Variants in BACH2 observed in about 807,000 individuals in gnomAD.
BACH2 encodes the protein transcription regulator protein BACH2.
In BACH2, 5 loss-of-function variants were observed where a neutral mutation model predicts 61.8. That is an observed-to-expected ratio of 0.08 (90% CI 0.04 to 0.17). The LOEUF (loss-of-function observed/expected upper bound fraction) is 0.17, where lower values mean the gene tolerates loss of function less well. BACH2 is among the 10% of genes least tolerant of loss of function. The probability of loss-of-function intolerance (pLI) is 1.00; values close to 1 mark genes in which losing one functional copy is unlikely to be tolerated. For missense variants in BACH2, 824 were observed against 1,091.1 expected (o/e 0.76, Z 3.45); for synonymous variants, 446 against 440.1 (o/e 1.01, Z -0.17).
intron 3 of BACH2, among the ~76,000 whole-genome samples, chr6:90,209,715 G>A (rs568790861): frequency 1.9e-4 from 29 of 152,062 alleles, no homozygotes; most frequent in Non-Finnish European, 3.1e-4. Flanking sequence ...CACAATCCCC[G>A]TACTCTCAGA....
chr6:90,000,736 T>C (rs1777093525), intron 6 of BACH2, among the ~76,000 whole-genome samples: 1 of 152,224 alleles, frequency 6.6e-6, no homozygotes, highest in Admixed American at 6.5e-5. Flanking sequence ...CCGCCTATGT[T>C]CTAGGTGATC....
chr6:90,190,781 G>A (rs528925106), intron 4 of BACH2, among the ~76,000 whole-genome samples: 3 of 152,174 alleles, frequency 2.0e-5, no homozygotes, highest in African/African-American at 7.2e-5. Context: ...CAGCATTTTA[G>A]AGACAACCCC....
chr6:90,092,627 G>A (rs1047668373), intron 4 of BACH2, among the ~76,000 whole-genome samples: 2 of 151,818 alleles, frequency 1.3e-5, no homozygotes, highest in African/African-American at 4.8e-5. Flanking sequence ...AAAATATTAG[G>A]TATCTTTTTT....
intron 3 of BACH2, among the ~76,000 whole-genome samples, chr6:90,247,143 G>A (rs1770662200): frequency 6.6e-6 from 1 of 152,084 alleles, no homozygotes; most frequent in Non-Finnish European, 1.5e-5. Flanking sequence ...CATGACTGCA[G>A]TTTACAAGGA....
At chr6:90,092,313 T>TACACAC (rs1162981828) in intron 4 of BACH2, among the ~76,000 whole-genome samples, 58 of 130,408 alleles carry the variant, frequency 4.4e-4, no homozygotes, top group African/African-American at 1.8e-3. Flanking sequence ...TATATATATA[T>TACACAC]ATACACACAC....
chr6:89,961,367 A>G (rs1450259933), intron 6 of BACH2, among the ~76,000 whole-genome samples: 1 of 152,230 alleles, frequency 6.6e-6, no homozygotes, highest in African/African-American at 2.4e-5. Flanking sequence ...ATGAAGTAGT[A>G]AAACCTGCAT....
intron 3 of BACH2, among the ~76,000 whole-genome samples, chr6:90,248,703 T>C (rs1227662786): frequency 6.6e-6 from 1 of 152,120 alleles, no homozygotes; most frequent in Non-Finnish European, 1.5e-5. Context: ...AGTGGTGGTA[T>C]GGGGTCAATG....
At chr6:90,177,207 T>G (rs1768009717) in intron 4 of BACH2, among the ~76,000 whole-genome samples, 1 of 152,194 alleles carries the variant, frequency 6.6e-6, no homozygotes, top group African/African-American at 2.4e-5. Context: ...CTTGCTGCTC[T>G]CATTACATTC....
intron 6 of BACH2, among the ~76,000 whole-genome samples, chr6:89,987,977 T>C (rs192504114): frequency 6.6e-6 from 1 of 152,292 alleles, no homozygotes; most frequent in East Asian, 1.9e-4. Flanking sequence ...TCTCTTGAAC[T>C]TCTCCAAGTC....
intron 6 of BACH2, among the ~76,000 whole-genome samples, chr6:89,991,005 G>T (rs564006473): frequency 6.6e-6 from 1 of 152,100 alleles, no homozygotes; most frequent in African/African-American, 2.4e-5. Flanking sequence ...CCCATCTAAC[G>T]TTGCACTTCC....
chr6:90,163,711 C>T (rs547463361), intron 4 of BACH2, among the ~76,000 whole-genome samples: 2 of 152,204 alleles, frequency 1.3e-5, no homozygotes, highest in South Asian at 2.1e-4. Flanking sequence ...GGGAATGAGG[C>T]GTTCTATACA....
At chr6:89,935,677 T>C (rs139860600) in intron 8 of BACH2, among the ~76,000 whole-genome samples, 39 of 152,376 alleles carry the variant, frequency 2.6e-4, no homozygotes, top group African/African-American at 7.7e-4. Flanking sequence ...TGAAAAATGC[T>C]AGCAAAGCGC....
At chr6:90,099,374 A>G (rs1177920432) in intron 4 of BACH2, among the ~76,000 whole-genome samples, 2 of 147,430 alleles carry the variant, frequency 1.4e-5, no homozygotes, top group African/African-American at 5.4e-5. Flanking sequence ...TAAAGCCAAC[A>G]TATGCTTTTG....
At chr6:90,165,672 A>T (rs1433362209) in intron 4 of BACH2, among the ~76,000 whole-genome samples, 2 of 152,246 alleles carry the variant, frequency 1.3e-5, no homozygotes, top group African/African-American at 2.4e-5. Context: ...ACAAGGCTAC[A>T]GTAACCAAAA....
rs1270119019 is a variant in BACH2 at position 90,254,085 on chromosome 6, C to G, written c.-352-1495G>C. On this transcript the variant is annotated intron_variant, in intron 2 of 8. Coordinates refer to ENST00000257749, the MANE Select transcript of BACH2 (RefSeq NM_021813.4). ...TAATTTAGCAACAAATCACAACTAG[C>G]TGAGAACTGACATAAAAGAATGATC... Among the ~76,000 whole-genome samples, 3 of 151,870 alleles carry G rather than the reference C, an allele frequency of 2.0e-5. No homozygotes were observed. In the East Asian group the frequency reaches 5.8e-4, roughly 29 times the overall value.
At position 89,944,643 on chromosome 6, in the gene BACH2, T is replaced by C. The variant is rs192799032; in HGVS notation, c.1836+5627A>G. On this transcript the variant is annotated intron_variant, in intron 7 of 8. Transcript: ENST00000257749. ...CAGATGGCTCTTCTATTCTGTACCA[T>C]TTCCATGTTTTCTCTGGACTTTATC... is the stretch of plus-strand genomic sequence containing the variant. Among the ~76,000 whole-genome samples, 156 of 152,274 alleles carry C rather than the reference T, an allele frequency of 1.0e-3. 1 individual carries two copies. Among genetic ancestry groups the C allele is most frequent in the African/African-American group, 3.7e-3 (152 of 41,552 alleles).
intron 3 of BACH2, among the ~76,000 whole-genome samples, chr6:90,210,401 A>T (rs867179433): frequency 1.3e-5 from 2 of 152,094 alleles, no homozygotes; most frequent in Non-Finnish European, 2.9e-5. Flanking sequence ...CTCAGAGAAC[A>T]GATGACAATT....
At chr6:90,204,097 C>T (rs1192492045) in intron 4 of BACH2, among the ~76,000 whole-genome samples, 1 of 152,142 alleles carries the variant, frequency 6.6e-6, no homozygotes, top group East Asian at 1.9e-4. Context: ...ATCGCCCTGG[C>T]ACTTCAAAGG....
chr6:90,120,369 T>G (rs1783573926), intron 4 of BACH2, among the ~76,000 whole-genome samples: 1 of 152,202 alleles, frequency 6.6e-6, no homozygotes, highest in South Asian at 2.1e-4. Flanking sequence ...AACAATGTGT[T>G]AAACAAATTT....
Sources: allele counts gnomAD v4.1 joint callset (sites outside exome capture counted in the v4.1 genomes callset), GRCh38; gene constraint gnomAD v4.1.1; transcripts MANE v1.5; gene names NCBI Gene and HGNC (gene_info 2026-07-23, HGNC 2026-07-21).